TTN: variants seen among roughly 807,000 people sequenced by gnomAD.
TTN encodes the protein connectin.
TTN carries 1,525 observed loss-of-function variants against 3,223.0 expected under a neutral mutation model. The ratio of observed to expected loss-of-function variants is 0.47; its 90% CI spans 0.45 to 0.49. The LOEUF is 0.49. Among genes scored for constraint, TTN ranks in the 20% least tolerant of loss-of-function variants. The pLI, the probability that TTN is intolerant of heterozygous loss-of-function variation, is 0.00. For missense variants in TTN, 40,786 were observed against 43,424.0 expected (o/e 0.94, Z 5.40); for synonymous variants, 14,094 against 15,161.0 (o/e 0.93, Z 5.17).
Position 178,588,932 on chromosome 2 carries a change from T to G in TTN, c.62793A>C (p.Gly20931=), listed in dbSNP as rs373595937. 10 of 1,612,804 alleles carry G rather than the reference T, an allele frequency of 6.2e-6. No homozygotes were observed. Among genetic ancestry groups the G allele is most frequent in the Non-Finnish European group, 8.5e-6 (10 of 1,179,480 alleles). Residue 20931 remains glycine, a synonymous_variant, in exon 304 of 363, where the codon GGA becomes GGC. Coordinates refer to ENST00000589042, the MANE Select transcript of TTN (RefSeq NM_001267550.2). The stretch of plus-strand genomic sequence containing the variant: ...CACGGACTCTGAAAATATATTCATT[T>G]CCTTCTATGAGACGTGTTACTGTAG... ...PGTTVTRLIE[G]NEYIFRVRAE...
intron 127 of TTN, 89 bp downstream of exon 127, chr2:178,688,022 T>C: frequency 9.6e-7 from 1 of 1,042,210 alleles, no homozygotes. Context: ...CACTTTTTTC[T>C]GTCTCTTTTC....
rs374272187 is a variant in TTN, at chr2:178,573,280, C to T, written c.72852G>A (p.Val24284=). 6.3e-7 allele frequency: 1 copy of T among 1,595,916 alleles called. No homozygotes were observed. ...ATTCATGTCCTTCTGTCAGTCCAGA[C>T]ACTTTATATCTTAAATCAGTAAGAG... ...KKTLTDLRYK[V]SGLTEGHEYE... is the part of the protein sequence containing the mutation. Residue 24284 remains valine, a synonymous_variant, in exon 326 of 363, where the codon GTG becomes GTA. Transcript: ENST00000589042.
In TTN at chr2:178,571,619, C is replaced by G. The variant is rs200723435; in HGVS notation, c.74513G>C (p.Gly24838Ala). ...LSWGPPKYDG[G>A]SSINNYIVEK... is the part of the protein sequence containing the mutation. The stretch of plus-strand genomic sequence containing the variant: ...AACAATGTAATTATTGATAGAACTT[C>G]CACCATCATACTTGGGTGGGCCCCA... Residue 24838 changes from glycine (G) to alanine (A), a missense_variant, in exon 326 of 363, where the codon GGA (glycine) becomes GCA (alanine). Coordinates refer to ENST00000589042, the MANE Select transcript of TTN (RefSeq NM_001267550.2). 53 of 1,613,148 alleles carry G rather than the reference C, an allele frequency of 3.3e-5. No individual in the cohort carries two copies. Among genetic ancestry groups the G allele is most frequent in the Non-Finnish European group, 4.3e-5 (51 of 1,179,574 alleles).
chr2:178,566,865 C>A lies in TTN; in HGVS notation c.79267G>T (p.Val26423Leu), dbSNP rs1706066147. The change falls in exon 326 of 363, where the codon GTA becomes TTA. Residue 26423 changes from valine (V) to leucine (L), a missense_variant. Transcript: ENST00000589042. ...DGGSEIIGYI[V>L]EKRDRSGIRW... is the part of the protein sequence containing the mutation. ...ATGCCACTTCTGTCTCTTTTCTCTA[C>A]AATGTAACCAATAATCTCACTTCCA... is the stretch of plus-strand genomic sequence containing the variant. 3 of 1,613,316 alleles carry A rather than the reference C, an allele frequency of 1.9e-6. No homozygotes were observed. In the Admixed American group the frequency reaches 5.0e-5, roughly 27 times the overall value.
Position 178,614,482 on chromosome 2 carries a change from C to T in TTN, c.49032G>A (p.Val16344=), listed in dbSNP as rs587780980. The change falls in exon 261 of 363, where the codon GTG becomes GTA. Residue 16344 remains valine (V), a synonymous_variant. Coordinates refer to ENST00000589042, the MANE Select transcript of TTN (RefSeq NM_001267550.2). Reference sequence around the variant, plus strand: ...CTTCCTTACCTAAGACGTTCACTTCCACCACAGCAGTGGCCCGGCCACACA... The same window carrying T: ...CTTCCTTACCTAAGACGTTCACTTCTACCACAGCAGTGGCCCGGCCACACA... ...VNVCGRATAV[V]EVNVLDKPGP... 6.1e-5 allele frequency: 98 copies of T among 1,605,938 alleles called. No individual in the cohort carries two copies. The highest frequency in any genetic ancestry group is 8.2e-5 in the Non-Finnish European group (97 of 1,175,856).
intron 47 of TTN, chr2:178,747,780 A>C: frequency 6.2e-7 from 1 of 1,612,150 alleles, no homozygotes; most frequent in South Asian, 1.1e-5. Flanking sequence ...TCTCCTTCTA[A>C]AGTGGAGAAA....
At position 178,763,932 on chromosome 2, in the gene TTN, T is replaced by G. The variant is rs537444445; in HGVS notation, c.10114+245A>C. 1.1e-3 allele frequency among the ~76,000 whole-genome samples: 38 copies of G among 34,910 alleles called. No homozygotes were observed. The South Asian group carries it at 0.02, about 18-fold the overall frequency. 22.9% of individuals were successfully genotyped at this position (34,910 alleles called of 152,430 possible). A position where few individuals can be genotyped will look rare whatever the true frequency, so the allele number is the denominator to read the frequency against. ...CTTTTTTAATATTAGTGAAAAACAC[T>G]AATTTTTTTATTGTGATAAAGAACA... is the stretch of plus-strand genomic sequence containing the variant. On this transcript the variant is annotated intron_variant, in intron 43 of 362. Transcript: ENST00000589042.
In TTN at chr2:178,706,620, C is replaced by A; in HGVS notation, c.29254G>T (p.Asp9752Tyr). The change falls in exon 102 of 363, where the codon GAT (aspartate) becomes TAT (tyrosine). Residue 9752 changes from aspartate to tyrosine, a missense_variant. Coordinates refer to ENST00000589042, the MANE Select transcript of TTN (RefSeq NM_001267550.2). ...TCCCTAATCTCCAGTTTTGCTTCATCGCCTTTTTGGTGGATGAAAACACGA... is the reference window on the plus strand; with the variant it reads ...TCCCTAATCTCCAGTTTTGCTTCATAGCCTTTTTGGTGGATGAAAACACGA... ...GGRVFIHQKG[D>Y]EAKLEIRDTT... 6.2e-7 allele frequency: 1 copy of A among 1,613,910 alleles called. No homozygotes were observed. Among genetic ancestry groups the A allele is most frequent in the South Asian group, 1.1e-5 (1 of 91,084 alleles).
At chr2:178,804,897 C>T (rs1382826294) in intron 1 of TTN, among the ~76,000 whole-genome samples, 1 of 152,034 alleles carries the variant, frequency 6.6e-6, no homozygotes, top group Non-Finnish European at 1.5e-5. Context: ...AAGTATTAGC[C>T]AAACAGAACA....
In TTN at chr2:178,595,683, C is replaced by A; in HGVS notation, c.57671G>T (p.Arg19224Leu). Residue 19224 changes from arginine to leucine, a missense_variant, in exon 295 of 363, where the codon CGT becomes CTT. By Grantham distance (102) the Arg-to-Leu change is moderately radical (BLOSUM62 -2). Coordinates refer to ENST00000589042, the MANE Select transcript of TTN (RefSeq NM_001267550.2). Reference protein sequence around the residue: ...SPITNYVIEKRESDRRAWTPV... With the variant: ...SPITNYVIEKLESDRRAWTPV... ...GGTCCATGCTCTGCGGTCAGATTCA[C>A]GCTTTTCAATGACATAATTGGTGAT... 6.2e-7 allele frequency: 1 copy of A among 1,608,436 alleles called. No homozygotes were observed. The highest frequency in any genetic ancestry group is 8.5e-7 in the Non-Finnish European group (1 of 1,177,456).
Position 178,665,372 on chromosome 2 carries a change from C to T in TTN, c.36043+5G>A, listed in dbSNP as rs561444783. 3.6e-5 allele frequency: 58 copies of T among 1,611,586 alleles called. No homozygotes were observed. The highest frequency in any genetic ancestry group is 1.7e-4 in the Middle Eastern group (1 of 6,060). ...TTCTTCCACATTTGTTCAGAGGTAA[C>T]GTACTTTTCATACGTGGAGTTTCTG... On this transcript the variant is annotated splice_donor_5th_base_variant and intron_variant, in intron 165 of 362. Transcript: ENST00000589042.
chr2:178,639,699 C>T lies in TTN; in HGVS notation c.40876G>A (p.Glu13626Lys). Residue 13626 changes from glutamate to lysine, a missense_variant and splice_region_variant, in exon 223 of 363, where the codon GAA becomes AAA. Coordinates refer to ENST00000589042, the MANE Select transcript of TTN (RefSeq NM_001267550.2). ...VTVPVVGKKA[E>K]AKAPKEEAAK... ...AAAAAGAAAGCTACAGGATAAATAC[C>T]TGCTTTCTTTCCAACCACTGGCACT... The T allele has an allele frequency of 6.2e-7, 1 of 1,611,374 alleles. No homozygotes were observed. Among genetic ancestry groups the T allele is most frequent in the Non-Finnish European group, 8.5e-7 (1 of 1,178,448 alleles).
intron 47 of TTN, chr2:178,748,243 A>C: frequency 6.2e-7 from 1 of 1,612,984 alleles, no homozygotes; most frequent in Non-Finnish European, 8.5e-7. Context: ...ATTTAAGAGA[A>C]AGATCAGTTT....
intron 250 of TTN, 143 bp from the exon 251 acceptor site, chr2:178,618,996 G>A (rs2057828872): frequency 2.6e-6 from 3 of 1,139,522 alleles, no homozygotes; most frequent in Non-Finnish European, 3.6e-6. Flanking sequence ...AAAACTAAGT[G>A]GCTTAGAGTT....
chr2:178,554,612 C>A lies in TTN; in HGVS notation c.88735G>T (p.Val29579Phe), dbSNP rs879204059. Reference sequence around the variant, plus strand: ...TGTTCAGACACCATAGACCACACAACGCGGCTTGTCTCACGCTTTTCCACA... The same window carrying A: ...TGTTCAGACACCATAGACCACACAAAGCGGCTTGTCTCACGCTTTTCCACA... ...YIVEKRETSR[V>F]VWSMVSEHLE... is the part of the protein sequence containing the mutation. The change falls in exon 332 of 363, where the codon GTT becomes TTT. Residue 29579 changes from valine (V) to phenylalanine (F), a missense_variant. Physicochemically the swap from Val to Phe is conservative, Grantham distance 50. Coordinates refer to ENST00000589042, the MANE Select transcript of TTN (RefSeq NM_001267550.2). The A allele has an allele frequency of 6.2e-7, 1 of 1,613,762 alleles. No homozygotes were observed. The highest frequency in any genetic ancestry group is 8.5e-7 in the Non-Finnish European group (1 of 1,179,846).
intron 6 of TTN, 126 bp downstream of exon 6, chr2:178,799,361 C>A: frequency 2.1e-6 from 3 of 1,442,216 alleles, no homozygotes; most frequent in Non-Finnish European, 1.9e-6. Context: ...GTTTGAGCAG[C>A]GGGACACTGA....
rs774814237 is a variant in TTN, at chr2:178,667,440, A to G, written c.35713+2T>C. The G allele has an allele frequency of 1.3e-6, 2 of 1,598,950 alleles. No individual in the cohort carries two copies. The highest frequency in any genetic ancestry group is 1.1e-5 in the South Asian group (1 of 90,100). ...TCTGGGTTTGATGTATTTGAAATAT[A>G]CCTTTAGTTGCTGGTGTTTCTCTCT... On this transcript the variant is annotated splice_donor_variant, in intron 161 of 362. Coordinates refer to ENST00000589042, the MANE Select transcript of TTN (RefSeq NM_001267550.2). LOFTEE classifies it high-confidence loss of function.
chr2:178,721,737 A>T, intron 78 of TTN, 110 bp downstream of exon 78: 1 of 1,227,300 alleles, frequency 8.1e-7, no homozygotes, highest in Non-Finnish European at 1.1e-6. Context: ...CACAAATTCT[A>T]ACATGTCCAG....
chr2:178,748,482 G>T (rs1276818176), intron 47 of TTN: 2 of 1,612,884 alleles, frequency 1.2e-6, no homozygotes, highest in Admixed American at 3.3e-5. Context: ...ATTTCCTGCT[G>T]TTCCCTAGTT....
Sources: gnomAD v4.1 joint callset for allele counts (sites outside exome capture counted in the v4.1 genomes callset) on GRCh38, gnomAD v4.1.1 for gene constraint, MANE v1.5 for transcripts, NCBI Gene and HGNC (gene_info 2026-07-23, HGNC 2026-07-21) for gene names.